Variants in PCGF2 observed in about 807,000 individuals in gnomAD.
The protein encoded by PCGF2 is polycomb group RING finger protein 2.
PCGF2 carries 8 observed loss-of-function variants against 36.1 expected under a neutral mutation model. The ratio of observed to expected loss-of-function variants is 0.22; its 90% CI spans 0.13 to 0.40. The LOEUF is 0.40. Ranked by LOEUF, PCGF2 falls within the 10% of genes least tolerant of loss-of-function variation. The pLI is 1.00. For missense variants in PCGF2, 436 were observed against 475.9 expected, an observed-to-expected ratio of 0.92 and a Z score of 0.78; for synonymous variants, 198 against 191.2, an observed-to-expected ratio of 1.04 and a Z score of -0.29.
chr17:38,743,568 C>G (rs1215521455), intron 2 of PCGF2, among the ~76,000 whole-genome samples: 1 of 152,168 alleles, frequency 6.6e-6, no homozygotes, highest in Admixed American at 6.5e-5. Flanking sequence ...TGCTCCTTCT[C>G]CAGTTTAAGA....
chr17:38,739,524 G>A lies in PCGF2; in HGVS notation c.209+62C>T. 7.7e-7 allele frequency: 1 copy of A among 1,290,780 alleles called. No individual in the cohort carries two copies. The highest frequency in any genetic ancestry group is 1.1e-6 in the Non-Finnish European group (1 of 885,208). The allele number at this position is 1,290,780 out of a possible 1,614,324, so 80.0% of individuals were successfully genotyped here. On this transcript the variant is annotated intron_variant, in intron 4 of 10. Transcript: ENST00000620225. The surrounding 1 kb of genome is among the most constrained non-coding windows in gnomAD (Gnocchi z 4.0). Reference sequence around the variant, plus strand: ...TTGGCTGAAGGAAGCACGGAGCGTGGGAGGGATGGGGGAGGCTGACCCAGA... The same window carrying A: ...TTGGCTGAAGGAAGCACGGAGCGTGAGAGGGATGGGGGAGGCTGACCCAGA...
At position 38,738,342 on chromosome 17, in the gene PCGF2, C is replaced by G. The variant is rs1283542236; in HGVS notation, c.576+11G>C. 12 of 1,610,762 alleles carry G rather than the reference C, an allele frequency of 7.4e-6. No homozygotes were observed. Among genetic ancestry groups the G allele is most frequent in the Non-Finnish European group, 9.3e-6 (11 of 1,177,010 alleles). On this transcript the variant is annotated intron_variant, in intron 9 of 10. Coordinates refer to ENST00000620225, the MANE Select transcript of PCGF2 (RefSeq NM_007144.3). ...ACAGACACTCATTTTTTGAAAGGCC[C>G]AGGGACCCACCTTGTACTTGCTGGG...
At chr17:38,736,627 G>A (rs933248521) in intron 9 of PCGF2, among the ~76,000 whole-genome samples, 2 of 151,730 alleles carry the variant, frequency 1.3e-5, no homozygotes, top group African/African-American at 2.4e-5. Context: ...AAGGTCAGGA[G>A]ATCGAGACCA....
intron 7 of PCGF2, 28 bp from the exon 8 acceptor site, chr17:38,738,623 GA>G (rs1191472261): frequency 6.4e-7 from 1 of 1,562,470 alleles, no homozygotes; most frequent in East Asian, 2.2e-5. Flanking sequence ...ATGAAGCTAG[GA>G]AGACCCAGGA....
chr17:38,735,761 A>T (rs1342291230), intron 10 of PCGF2, among the ~76,000 whole-genome samples, 161 bp from the exon 11 acceptor site: 2 of 152,204 alleles, frequency 1.3e-5, no homozygotes, highest in Non-Finnish European at 2.9e-5. Context: ...GGGTGCATGA[A>T]GACCCAGAGA....
At chr17:38,738,645 G>T (rs751586076) in intron 7 of PCGF2, 50 bp from the exon 8 acceptor site, 3 of 1,551,476 alleles carry the variant, frequency 1.9e-6, no homozygotes, top group African/African-American at 2.7e-5. Flanking sequence ...AGAACCAGGA[G>T]ACCCAGGAGG....
chr17:38,745,045 T>G (rs1277399032), intron 2 of PCGF2, among the ~76,000 whole-genome samples: 1 of 152,082 alleles, frequency 6.6e-6, no homozygotes, highest in African/African-American at 2.4e-5. Context: ...AAACCCCATC[T>G]CTACTAAAAA....
intron 2 of PCGF2, among the ~76,000 whole-genome samples, chr17:38,743,437 C>A (rs996069459): frequency 2.0e-5 from 3 of 151,918 alleles, no homozygotes; most frequent in Non-Finnish European, 4.4e-5. Flanking sequence ...CCCCACACTG[C>A]GAATGGCTGT....
chr17:38,740,274 C>A lies in PCGF2; in HGVS notation c.112+17G>T. 1 of 1,609,370 alleles carries A rather than the reference C, an allele frequency of 6.2e-7. No individual in the cohort carries two copies. The highest frequency in any genetic ancestry group is 8.5e-7 in the Non-Finnish European group (1 of 1,175,746). On this transcript the variant is annotated intron_variant, in intron 3 of 10. Transcript: ENST00000620225. ...AGAGGCTGCCCACCCTGAGCAGCTC[C>A]CCTCCCCCCAACTCACAGGAATGCA...
intron 2 of PCGF2, among the ~76,000 whole-genome samples, chr17:38,745,692 AAAGCAGT>A (rs992093088): frequency 4.8e-4 from 73 of 152,300 alleles, no homozygotes; most frequent in African/African-American, 1.7e-3. Context: ...TCACTCATCT[AAAGCAGT>A]AATGCCCGGC....
intron 2 of PCGF2, among the ~76,000 whole-genome samples, chr17:38,747,677 A>G (rs1567638395): frequency 6.6e-6 from 1 of 151,586 alleles, no homozygotes; most frequent in Non-Finnish European, 1.5e-5. Flanking sequence ...CGGCCGCCCC[A>G]AAGCACATCC....
Position 38,736,072 on chromosome 17 carries a change from C to A in PCGF2, c.657+18G>T. The A allele has an allele frequency of 6.5e-7, 1 of 1,545,052 alleles. No homozygotes were observed. The highest frequency in any genetic ancestry group is 8.8e-7 in the Non-Finnish European group (1 of 1,137,040). On this transcript the variant is annotated intron_variant, in intron 10 of 10. Coordinates refer to ENST00000620225, the MANE Select transcript of PCGF2 (RefSeq NM_007144.3). ...CCTGTGGGAGTCTGCTCCCTGCCCGCCCCACTCGCTGGCTCACCCGCCGCC... is the reference window on the plus strand; with the variant it reads ...CCTGTGGGAGTCTGCTCCCTGCCCGACCCACTCGCTGGCTCACCCGCCGCC...
chr17:38,740,186 G>C lies in PCGF2; in HGVS notation c.112+105C>G, dbSNP rs1907087070. 3.0e-6 allele frequency: 3 copies of C among 1,010,506 alleles called. No homozygotes were observed. In the Admixed American group the frequency reaches 6.7e-5, roughly 23 times the overall value. 62.6% of individuals were successfully genotyped at this position (1,010,506 alleles called of 1,614,324 possible). A position where few individuals can be genotyped will look rare whatever the true frequency, so the allele number is the denominator to read the frequency against. On this transcript the variant is annotated intron_variant, in intron 3 of 10. Coordinates refer to ENST00000620225, the MANE Select transcript of PCGF2 (RefSeq NM_007144.3). ...TCCCAGCAGACACGTGGGCGCGTTG[G>C]CTCTTTAGGGCAAGGGTTTGCGTGC...
chr17:38,742,680 T>G (rs1359673428), intron 2 of PCGF2, among the ~76,000 whole-genome samples: 2 of 152,226 alleles, frequency 1.3e-5, no homozygotes, highest in Non-Finnish European at 2.9e-5. Context: ...CTCCACTGTT[T>G]GGTCGTTTCC....
At chr17:38,746,916 G>C (rs1907567476) in intron 2 of PCGF2, among the ~76,000 whole-genome samples, 1 of 152,208 alleles carries the variant, frequency 6.6e-6, no homozygotes, top group Non-Finnish European at 1.5e-5. Flanking sequence ...AGTGAAGGGG[G>C]GAGGGAGGAG....
Position 38,740,828 on chromosome 17 carries a change from C to T in PCGF2, c.-40-386G>A, listed in dbSNP as rs535542718. Among the ~76,000 whole-genome samples the T allele has an allele frequency of 2.0e-4, 31 of 152,208 alleles. 3 individuals carry two copies. The highest frequency in any genetic ancestry group is 9.8e-4 in the Admixed American group (15 of 15,290). On this transcript the variant is annotated intron_variant, in intron 2 of 10. Coordinates refer to ENST00000620225, the MANE Select transcript of PCGF2 (RefSeq NM_007144.3). Reference sequence around the variant, plus strand: ...TTACGCTTCACTCCACACCTCCCCCCACCAGCACATCTCTCCCTGAGCCCA... The same window carrying T: ...TTACGCTTCACTCCACACCTCCCCCTACCAGCACATCTCTCCCTGAGCCCA...
At position 38,739,800 on chromosome 17, in the gene PCGF2, G is replaced by A; in HGVS notation, c.113-118C>T. On this transcript the variant is annotated intron_variant, in intron 3 of 10. Coordinates refer to ENST00000620225, the MANE Select transcript of PCGF2 (RefSeq NM_007144.3). This position sits in a 1 kb window ranked among gnomAD's most constrained non-coding sequence, Gnocchi z 4.0. ...CTCCTCCACCCTGTCCCTGCTCCGA[G>A]GCCCAATGTGGCGATGTGTGTTCTG... is the stretch of plus-strand genomic sequence containing the variant. 1 of 748,750 alleles carries A rather than the reference G, an allele frequency of 1.3e-6. No homozygotes were observed. The highest frequency in any genetic ancestry group is 1.5e-5 in the South Asian group (1 of 67,114). 46.4% of individuals were successfully genotyped at this position (748,750 alleles called of 1,614,324 possible).
intron 2 of PCGF2, chr17:38,746,460 A>C (rs1353777441): frequency 6.6e-6 from 1 of 152,324 alleles, no homozygotes. Flanking sequence ...CTGCAAACAC[A>C]CACTAACCTT....
At chr17:38,740,783 C>T (rs1030278024) in intron 2 of PCGF2, among the ~76,000 whole-genome samples, 4 of 151,642 alleles carry the variant, frequency 2.6e-5, no homozygotes, top group African/African-American at 9.7e-5. Flanking sequence ...AAAAGAAACC[C>T]AGAGCCTCGG....
Sources: allele counts gnomAD v4.1 joint callset (sites outside exome capture counted in the v4.1 genomes callset), GRCh38; gene constraint gnomAD v4.1.1; non-coding constraint Gnocchi (gnomAD v3.1); transcripts MANE v1.5; gene names NCBI Gene and HGNC (gene_info 2026-07-23, HGNC 2026-07-21).